The following KHDRBS2 variants were observed in gnomAD, a reference collection of about 807,000 sequenced individuals.
KHDRBS2 encodes KH RNA binding domain containing, signal transduction associated 2.
In KHDRBS2, 26 loss-of-function variants were observed where a neutral mutation model predicts 44.3. The observed-to-expected ratio is 0.59, with a 90% CI of 0.43 to 0.81. The LOEUF is 0.81. Among genes scored for constraint, KHDRBS2 ranks in the 40% least tolerant of loss-of-function variants. The pLI is 0.00. For synonymous variants in KHDRBS2, 194 were observed against 151.1 expected, an observed-to-expected ratio of 1.28 and a Z score of -2.08; for missense variants, 476 against 433.1, an observed-to-expected ratio of 1.10 and a Z score of -0.88.
chr6:61,962,570 A>T (rs1562536810), intron 4 of KHDRBS2, among the ~76,000 whole-genome samples: 1 of 152,134 alleles, frequency 6.6e-6, no homozygotes, highest in Non-Finnish European at 1.5e-5. Context: ...ACACTGTAGA[A>T]GATCCACTAA....
chr6:61,830,291 G>C (rs1164540486), intron 6 of KHDRBS2, among the ~76,000 whole-genome samples: 1 of 152,128 alleles, frequency 6.6e-6, no homozygotes, highest in Admixed American at 6.6e-5. Context: ...CCTGTTTGGG[G>C]TAAGCCTGGA....
intron 1 of KHDRBS2, among the ~76,000 whole-genome samples, chr6:62,252,644 T>C (rs540868051): frequency 6.6e-6 from 1 of 152,124 alleles, no homozygotes; most frequent in South Asian, 2.1e-4. Flanking sequence ...GTCTCAAAGT[T>C]TCACAGAGAA....
intron 1 of KHDRBS2, among the ~76,000 whole-genome samples, chr6:62,221,427 T>C (rs797004646): frequency 6.6e-6 from 1 of 152,024 alleles, no homozygotes; most frequent in South Asian, 2.1e-4. Flanking sequence ...TATTCAAGAT[T>C]TTTGCTAATT....
intron 1 of KHDRBS2, among the ~76,000 whole-genome samples, chr6:62,241,526 A>ATT (rs147156896): frequency 5.2e-4 from 78 of 150,340 alleles, no homozygotes; most frequent in African/African-American, 1.8e-3. Flanking sequence ...GTTTTATGTG[A>ATT]TTTTTTTTTT....
At chr6:62,077,582 C>G (rs1279011291) in intron 2 of KHDRBS2, among the ~76,000 whole-genome samples, 1 of 151,960 alleles carries the variant, frequency 6.6e-6, no homozygotes, top group East Asian at 1.9e-4. Flanking sequence ...GGCTTCTTGT[C>G]AGTGAGACAG....
At chr6:62,285,631 A>G (rs535250651) in intron 1 of KHDRBS2, among the ~76,000 whole-genome samples, 1 of 152,280 alleles carries the variant, frequency 6.6e-6, no homozygotes, top group African/African-American at 2.4e-5. Flanking sequence ...CACTGCCATT[A>G]GATCTCCGTA....
In KHDRBS2 at chr6:61,781,910, T is replaced by C. The variant is rs1451578295; in HGVS notation, c.811-49146A>G. On this transcript the variant is annotated intron_variant, in intron 6 of 8. Transcript: ENST00000281156. ...TTGTGTCTAGGGAATGGAAACATGA[T>C]ACTGAGCACCTATAATGATGCTTCT... Among the ~76,000 whole-genome samples the C allele has an allele frequency of 2.6e-5, 4 of 152,190 alleles. No homozygotes were observed. In the South Asian group the frequency reaches 8.3e-4, roughly 31 times the overall value.
At chr6:61,955,975 A>G (rs1011276802) in intron 4 of KHDRBS2, among the ~76,000 whole-genome samples, 7 of 152,082 alleles carry the variant, frequency 4.6e-5, no homozygotes, top group African/African-American at 1.7e-4. Context: ...GTCTAGCTAT[A>G]GATCTCATAC....
At position 62,002,662 on chromosome 6, in the gene KHDRBS2, G is replaced by A. The variant is rs116418806; in HGVS notation, c.337-24450C>T. ...ATTATAATTATTTTAAAATGTCAGT[G>A]ACTCAATAAAAATTACAAAGAAGGT... On this transcript the variant is annotated intron_variant, in intron 3 of 8. Coordinates refer to ENST00000281156, the MANE Select transcript of KHDRBS2 (RefSeq NM_152688.4). Among the ~76,000 whole-genome samples, 419 of 151,206 alleles carry A rather than the reference G, an allele frequency of 2.8e-3. 3 individuals are homozygous for A. Among genetic ancestry groups the A allele is most frequent in the African/African-American group, 9.3e-3 (384 of 41,474 alleles).
In KHDRBS2 at chr6:62,032,506, C is replaced by T. The variant is rs147305770; in HGVS notation, c.336+15372G>A. On this transcript the variant is annotated intron_variant, in intron 3 of 8. Transcript: ENST00000281156. ...GACCTTGTGATCGTGTGAGTTAATA[C>T]TTAATAAACTCCCATATATATTCAT... is the stretch of plus-strand genomic sequence containing the variant. Among the ~76,000 whole-genome samples, 23 of 150,860 alleles carry T rather than the reference C, an allele frequency of 1.5e-4. No individual in the cohort carries two copies. The East Asian group carries it at 4.3e-3, about 28-fold the overall frequency.
At chr6:62,067,435 T>C (rs1237773767) in intron 2 of KHDRBS2, among the ~76,000 whole-genome samples, 3 of 151,556 alleles carry the variant, frequency 2.0e-5, no homozygotes, top group Admixed American at 2.0e-4. Flanking sequence ...GCTCTGCTGA[T>C]AAATTTAAAT....
At chr6:61,616,482 T>C in the KHDRBS2 span, among the ~76,000 whole-genome samples, 1 of 146,520 alleles carries the variant, frequency 6.8e-6, no homozygotes, top group Non-Finnish European at 1.5e-5. Context: ...TATATATATA[T>C]ATATATATAT....
intron 3 of KHDRBS2, among the ~76,000 whole-genome samples, chr6:62,046,861 C>T (rs759420393): frequency 1.2e-4 from 18 of 151,864 alleles, no homozygotes; most frequent in Non-Finnish European, 2.5e-4. Flanking sequence ...AAAATCATTC[C>T]GTCTGTGACT....
chr6:62,175,769 G>A (rs1585068292), intron 2 of KHDRBS2, among the ~76,000 whole-genome samples: 1 of 151,174 alleles, frequency 6.6e-6, no homozygotes, highest in Non-Finnish European at 1.5e-5. Context: ...TTCTTATTTC[G>A]GTATTCATCA....
chr6:61,672,681 T>G, the KHDRBS2 span, among the ~76,000 whole-genome samples: 5 of 152,068 alleles, frequency 3.3e-5, no homozygotes, highest in Non-Finnish European at 5.9e-5. Context: ...TTGCCCACTT[T>G]TTGATGGGGT....
intron 1 of KHDRBS2, among the ~76,000 whole-genome samples, chr6:62,227,962 T>C (rs1832202778): frequency 6.6e-6 from 1 of 152,178 alleles, no homozygotes; most frequent in Non-Finnish European, 1.5e-5. Flanking sequence ...ATGTTCATCA[T>C]GGATATTGGC....
intron 4 of KHDRBS2, among the ~76,000 whole-genome samples, chr6:61,975,678 C>G (rs1274954756): frequency 2.1e-5 from 3 of 141,592 alleles, no homozygotes; most frequent in African/African-American, 5.1e-5. Flanking sequence ...CACACACACA[C>G]ACAGAGAGAT....
intron 2 of KHDRBS2, among the ~76,000 whole-genome samples, chr6:62,117,045 A>T (rs1460082976): frequency 1.3e-5 from 2 of 152,232 alleles, no homozygotes; most frequent in Admixed American, 1.3e-4. Flanking sequence ...TATTGTGAAC[A>T]GTGCTGCAAT....
At chr6:61,773,445 G>A (rs1304410458) in intron 6 of KHDRBS2, among the ~76,000 whole-genome samples, 8 of 152,118 alleles carry the variant, frequency 5.3e-5, no homozygotes, top group East Asian at 1.9e-4. Flanking sequence ...GTCTTCTTTT[G>A]AGAAGTGTCT....
Sources: gnomAD v4.1 joint callset for allele counts (sites outside exome capture counted in the v4.1 genomes callset) on GRCh38, gnomAD v4.1.1 for gene constraint, MANE v1.5 for transcripts, NCBI Gene and HGNC (gene_info 2026-07-23, HGNC 2026-07-21) for gene names.